LYST: variants seen among roughly 807,000 people sequenced by gnomAD.
LYST encodes the protein lysosomal trafficking regulator, also known as lysosomal-trafficking regulator.
LYST carries 192 observed loss-of-function variants against 413.6 expected under a neutral mutation model. That is an observed-to-expected ratio of 0.46 (90% CI 0.41 to 0.52). The LOEUF (loss-of-function observed/expected upper bound fraction) is 0.52. Among genes scored for constraint, LYST ranks in the 20% least tolerant of loss-of-function variants. The pLI, the probability that LYST is intolerant of heterozygous loss-of-function variation, is 0.00. For synonymous variants in LYST, 1,525 were observed against 1,567.3 expected (o/e 0.97, Z 0.64); for missense variants, 3,815 against 4,499.9 (o/e 0.85, Z 4.35).
chr1:235,803,261 A>C (rs1473333694), intron 7 of LYST, among the ~76,000 whole-genome samples, 197 bp from the exon 8 acceptor site: 1 of 152,128 alleles, frequency 6.6e-6, no homozygotes, highest in African/African-American at 2.4e-5. Context: ...TTAATACCTC[A>C]AAAAGGGGGT....
intron 1 of LYST, among the ~76,000 whole-genome samples, chr1:235,846,264 A>G (rs542555539): frequency 6.6e-6 from 1 of 152,250 alleles, no homozygotes; most frequent in South Asian, 2.1e-4. Flanking sequence ...TAGACCCAGA[A>G]GAGAGACAAC....
At chr1:235,709,371 G>T in intron 43 of LYST, 63 bp from the exon 44 acceptor site, 1 of 1,315,258 alleles carries the variant, frequency 7.6e-7, no homozygotes, top group Non-Finnish European at 1.1e-6. Flanking sequence ...CAGCTACAGA[G>T]CAGGTCTTAA....
At chr1:235,697,342 G>A in intron 45 of LYST, 70 bp from the exon 46 acceptor site, 1 of 1,137,240 alleles carries the variant, frequency 8.8e-7, no homozygotes, top group Non-Finnish European at 1.3e-6. Flanking sequence ...TCTAATTTAA[G>A]CTCTAAACAA....
chr1:235,797,569 G>A (rs1349728895), intron 10 of LYST, among the ~76,000 whole-genome samples: 2 of 151,948 alleles, frequency 1.3e-5, no homozygotes, highest in East Asian at 1.9e-4. Flanking sequence ...ATATTCACAC[G>A]CAAAATAATA....
At chr1:235,867,092 A>T (rs1364660180), upstream of LYST, among the ~76,000 whole-genome samples, 3 of 152,146 alleles carry the variant, frequency 2.0e-5, no homozygotes. Context: ...CGCAGGCGTG[A>T]CGCGTGGAAC....
At position 235,664,700 on chromosome 1, in the gene LYST, C is replaced by G; in HGVS notation, c.11039-79G>C. The G allele has an allele frequency of 7.7e-7, 1 of 1,294,396 alleles. No homozygotes were observed. The highest frequency in any genetic ancestry group is 1.1e-6 in the Non-Finnish European group (1 of 894,058). The allele number at this position is 1,294,396 out of a possible 1,614,324, so 80.2% of individuals were successfully genotyped here. On this transcript the variant is annotated intron_variant, in intron 50 of 52. Coordinates refer to ENST00000389793, the MANE Select transcript of LYST (RefSeq NM_000081.4). The surrounding 1 kb of genome is among the most constrained non-coding windows in gnomAD (Gnocchi z 4.5). ...CACATTTGGCCCCAGAAGGGCAACCCTGAAGGGCAAGCTCATTTGTTTATT... is the reference window on the plus strand; with the variant it reads ...CACATTTGGCCCCAGAAGGGCAACCGTGAAGGGCAAGCTCATTTGTTTATT...
intron 1 of LYST, chr1:235,883,112 TGC>T (rs1463649357): frequency 1.3e-5 from 2 of 150,874 alleles, no homozygotes; most frequent in African/African-American, 4.9e-5. Context: ...GCTCTCAGTC[TGC>T]ACCCAGCCTG....
intron 46 of LYST, 48 bp downstream of exon 46, chr1:235,697,035 T>C: frequency 6.4e-7 from 1 of 1,561,146 alleles, no homozygotes; most frequent in Non-Finnish European, 8.8e-7. Context: ...AATACTCAAA[T>C]CTCACGAAAG....
At chr1:235,840,163 G>A (rs1255251317) in intron 1 of LYST, 2 of 152,192 alleles carry the variant, frequency 1.3e-5, no homozygotes, top group African/African-American at 4.8e-5. Context: ...CTGCCCTCAA[G>A]AAGATTACAT....
At chr1:235,794,903 C>G (rs930682593) in intron 10 of LYST, among the ~76,000 whole-genome samples, 8 of 152,052 alleles carry the variant, frequency 5.3e-5, no homozygotes, top group Non-Finnish European at 1.2e-4. Flanking sequence ...GATATATACA[C>G]TTGCTTCTGT....
chr1:235,832,302 C>T (rs1676083814), intron 2 of LYST, among the ~76,000 whole-genome samples: 3 of 152,110 alleles, frequency 2.0e-5, no homozygotes. Flanking sequence ...CTATCCATTG[C>T]AAGATACACT....
intron 47 of LYST, among the ~76,000 whole-genome samples, chr1:235,692,276 T>C (rs981949669): frequency 6.6e-6 from 1 of 150,558 alleles, no homozygotes; most frequent in African/African-American, 2.4e-5. Context: ...GAGGTTGCAG[T>C]GGGCACAGAT....
intron 13 of LYST, among the ~76,000 whole-genome samples, chr1:235,788,311 C>T (rs1467848265): frequency 2.6e-5 from 4 of 152,028 alleles, no homozygotes; most frequent in African/African-American, 7.2e-5. Context: ...AGGCATGCAC[C>T]ATCATGCCTG....
At chr1:235,677,069 C>T in intron 50 of LYST, 22 bp downstream of exon 50, 1 of 1,588,552 alleles carries the variant, frequency 6.3e-7, no homozygotes, top group African/African-American at 1.3e-5. Flanking sequence ...CAGCCCTGTG[C>T]TTTGGGTTGG....
chr1:235,805,678 A>G (rs974193958), intron 6 of LYST, 65 bp downstream of exon 6: 7 of 844,796 alleles, frequency 8.3e-6, no homozygotes, highest in Middle Eastern at 3.4e-4. Flanking sequence ...TTTTATATAT[A>G]TATGTGTGTG....
intron 46 of LYST, among the ~76,000 whole-genome samples, chr1:235,694,383 C>T (rs1033691821): frequency 6.6e-6 from 1 of 152,048 alleles, no homozygotes; most frequent in African/African-American, 2.4e-5. Flanking sequence ...GACATCATTT[C>T]CCAGTACTAT....
rs139179791 is a variant in LYST, at chr1:235,793,979, C to T, written c.4007-367G>A. 2.5e-4 allele frequency among the ~76,000 whole-genome samples: 38 copies of T among 152,148 alleles called. No homozygotes were observed. In the East Asian group the frequency reaches 6.2e-3, roughly 25 times the overall value. On this transcript the variant is annotated intron_variant, in intron 10 of 52. Transcript: ENST00000389793. ...TCCCGAGGAGCTGGGACTACAGGCA[C>T]GTGTCACCATGCCCAGGTAATTTTT... is the stretch of plus-strand genomic sequence containing the variant.
At chr1:235,783,751 C>G (rs1339915266) in intron 14 of LYST, among the ~76,000 whole-genome samples, 1 of 152,126 alleles carries the variant, frequency 6.6e-6, no homozygotes, top group African/African-American at 2.4e-5. Context: ...TAAGTATCTA[C>G]TATGTGCCAT....
intron 10 of LYST, among the ~76,000 whole-genome samples, chr1:235,798,238 T>C (rs1420557436): frequency 6.6e-6 from 1 of 152,140 alleles, no homozygotes; most frequent in Admixed American, 6.5e-5. Context: ...TTATCCTGGA[T>C]AAAATCCTTG....
Sources: gnomAD v4.1 joint callset for allele counts (sites outside exome capture counted in the v4.1 genomes callset) on GRCh38, gnomAD v4.1.1 for gene constraint, Gnocchi (gnomAD v3.1) non-coding constraint, MANE v1.5 for transcripts, NCBI Gene and HGNC (gene_info 2026-07-23, HGNC 2026-07-21) for gene names.